CARMIL1: variants seen among roughly 807,000 people sequenced by gnomAD.
CARMIL1 encodes the protein capping protein regulator and myosin 1 linker 1, also known as F-actin-uncapping protein LRRC16A.
In CARMIL1, 90 loss-of-function variants were observed where a neutral mutation model predicts 177.1. The observed-to-expected ratio is 0.51, with a 90% CI of 0.43 to 0.61. The LOEUF (loss-of-function observed/expected upper bound fraction) is 0.61, where lower values mean the gene tolerates loss of function less well. Among genes scored for constraint, CARMIL1 ranks in the 20% least tolerant of loss-of-function variants. The probability of loss-of-function intolerance (pLI) is 0.00; values close to 1 mark genes in which losing one functional copy is unlikely to be tolerated. For synonymous variants in CARMIL1, 577 were observed against 606.2 expected (o/e 0.95, Z 0.71); for missense variants, 1,380 against 1,667.0 (o/e 0.83, Z 3.00).
chr6:25,322,564 G>A (rs1365948752), intron 2 of CARMIL1, among the ~76,000 whole-genome samples: 2 of 152,200 alleles, frequency 1.3e-5, no homozygotes, highest in African/African-American at 4.8e-5. Flanking sequence ...GTGGCTGTCA[G>A]TGAATGCTGC....
At chr6:25,471,784 C>A (rs1390871888) in intron 10 of CARMIL1, among the ~76,000 whole-genome samples, 1 of 152,056 alleles carries the variant, frequency 6.6e-6, no homozygotes, top group Non-Finnish European at 1.5e-5. Flanking sequence ...TTTTTTCTCC[C>A]TTTTCAGGTT....
rs557294677 is a variant in CARMIL1 at position 25,507,093 on chromosome 6, A to C, written c.1396-2563A>C. The stretch of plus-strand genomic sequence containing the variant: ...TTCTCTTTGATCTTGCTTTCTTGTA[A>C]ATAATGCTGGTGTGTGGGATCCAAA... On this transcript the variant is annotated intron_variant, in intron 17 of 36. Transcript: ENST00000329474. 2.0e-5 allele frequency among the ~76,000 whole-genome samples: 3 copies of C among 152,300 alleles called. No individual in the cohort carries two copies. In the East Asian group the frequency reaches 5.8e-4, roughly 29 times the overall value.
At chr6:25,416,901 A>G (rs1017451068) in intron 2 of CARMIL1, among the ~76,000 whole-genome samples, 1 of 152,072 alleles carries the variant, frequency 6.6e-6, no homozygotes, top group African/African-American at 2.4e-5. Context: ...GGTTTTGTGG[A>G]CCTAAGCTTT....
At chr6:25,308,418 G>A (rs1185826383) in intron 2 of CARMIL1, among the ~76,000 whole-genome samples, 6 of 96,874 alleles carry the variant, frequency 6.2e-5, no homozygotes, top group Admixed American at 1.5e-4. Flanking sequence ...GTCTCCCTTT[G>A]TCACCCAGAC....
chr6:25,337,546 G>A (rs762450588), intron 2 of CARMIL1, among the ~76,000 whole-genome samples: 21 of 152,136 alleles, frequency 1.4e-4, no homozygotes, highest in Non-Finnish European at 2.5e-4. Context: ...CAACATCCTC[G>A]AACAGATCCG....
At chr6:25,556,134 A>G (rs371520899) in intron 28 of CARMIL1, among the ~76,000 whole-genome samples, 3 of 152,208 alleles carry the variant, frequency 2.0e-5, no homozygotes, top group Admixed American at 6.5e-5. Flanking sequence ...TCATTGTTTC[A>G]GAAGAATTAA....
intron 2 of CARMIL1, among the ~76,000 whole-genome samples, chr6:25,395,507 G>C (rs1243517376): frequency 1.3e-5 from 2 of 152,194 alleles, no homozygotes; most frequent in Non-Finnish European, 2.9e-5. Context: ...CTCTGAATAA[G>C]ATTGTTAACT....
In CARMIL1 at chr6:25,472,277, G is replaced by A. The variant is rs571936465; in HGVS notation, c.780-150G>A. Reference sequence around the variant, plus strand: ...GGCTTTACAAATTCTCTAATGAGGTGTTAATGGGTATTAAGAAATATATGC... The same window carrying A: ...GGCTTTACAAATTCTCTAATGAGGTATTAATGGGTATTAAGAAATATATGC... On this transcript the variant is annotated intron_variant, in intron 10 of 36. Coordinates refer to ENST00000329474, the MANE Select transcript of CARMIL1 (RefSeq NM_017640.6). 3.3e-4 allele frequency: 194 copies of A among 582,846 alleles called. No individual in the cohort carries two copies. The African/African-American group carries it at 3.4e-3, about 10-fold the overall frequency. The allele number at this position is 582,846 out of a possible 1,614,324, so 36.1% of individuals were successfully genotyped here.
At chr6:25,598,547 A>T (rs1013080953) in intron 32 of CARMIL1, among the ~76,000 whole-genome samples, 1 of 152,058 alleles carries the variant, frequency 6.6e-6, no homozygotes, top group Non-Finnish European at 1.5e-5. Context: ...GCCATTACTC[A>T]GATTTTTTAT....
At chr6:25,307,919 G>C (rs1203309567) in intron 2 of CARMIL1, among the ~76,000 whole-genome samples, 4 of 152,148 alleles carry the variant, frequency 2.6e-5, no homozygotes, top group African/African-American at 9.7e-5. Context: ...TTTACCTCTT[G>C]GGAGAGAATG....
chr6:25,335,938 T>TCTGCTCTGTTACTGTGTTGGCCATTGTTA (rs758112893), intron 2 of CARMIL1, among the ~76,000 whole-genome samples: 3 of 151,838 alleles, frequency 2.0e-5, no homozygotes, highest in Non-Finnish European at 4.4e-5. Flanking sequence ...GGGATCTCTG[T>TCTGCTCTGTTACTGTGTTGGCCATTGTTA]CTGCTCTGTT....
chr6:25,303,124 C>T (rs62392360), intron 2 of CARMIL1, among the ~76,000 whole-genome samples: 6 of 142,730 alleles, frequency 4.2e-5, no homozygotes, highest in Non-Finnish European at 6.0e-5. Context: ...ATAGGCATCT[C>T]CTTTTTTTTT....
rs1287183381 is a variant in CARMIL1 at position 25,598,338 on chromosome 6, A to G, written c.3120-1976A>G. Among the ~76,000 whole-genome samples, 6 of 152,106 alleles carry G rather than the reference A, an allele frequency of 3.9e-5. No individual in the cohort carries two copies. The South Asian group carries it at 6.2e-4, about 16-fold the overall frequency. On this transcript the variant is annotated intron_variant, in intron 32 of 36. Transcript: ENST00000329474. ...ACTGCAACTTTGACCTTCCAGGCTC[A>G]GGTGATACTCCTACCTCAGACTCTT...
intron 5 of CARMIL1, among the ~76,000 whole-genome samples, chr6:25,444,858 G>T (rs1232520333): frequency 6.6e-6 from 1 of 152,176 alleles, no homozygotes; most frequent in African/African-American, 2.4e-5. Context: ...CTTTATAGTA[G>T]CAGGATTTAT....
rs1458347588 is a variant in CARMIL1, at chr6:25,321,045, CT to C, written c.138+36137del. ...AGACTGTTCTGAACTACTCATCTGC[CT>C]CCCCCAGCCCCCACCCCCACCCCAC... On this transcript the variant is annotated intron_variant, in intron 2 of 36. Transcript: ENST00000329474. 2.6e-5 allele frequency among the ~76,000 whole-genome samples: 4 copies of C among 152,022 alleles called. No homozygotes were observed. The East Asian group carries it at 5.8e-4, about 22-fold the overall frequency.
chr6:25,488,423 ACAAACCTCATTTTGTTTCCTGGAGTG>A, intron 12 of CARMIL1, 33 bp from the exon 13 acceptor site: 3 of 1,259,104 alleles, frequency 2.4e-6, no homozygotes, highest in South Asian at 2.4e-5. Flanking sequence ...TTATAGAAAC[ACAAACCTCATTTTGTTTCCTGGAGTG>A]CAAACTGAGC....
At chr6:25,495,959 G>A (rs1803663331) in intron 16 of CARMIL1, among the ~76,000 whole-genome samples, 1 of 152,134 alleles carries the variant, frequency 6.6e-6, no homozygotes, top group Non-Finnish European at 1.5e-5. Context: ...ATGCTCAAAT[G>A]TATGCATGGA....
chr6:25,434,801 T>C lies in CARMIL1; in HGVS notation c.250-682T>C, dbSNP rs1465243605. On this transcript the variant is annotated intron_variant, in intron 4 of 36. Coordinates refer to ENST00000329474, the MANE Select transcript of CARMIL1 (RefSeq NM_017640.6). ...TCTTGACCTTGTGATCCGCCTGCCT[T>C]GGCCTCCCAAAGTGCTGGGATTACA... is the stretch of plus-strand genomic sequence containing the variant. Among the ~76,000 whole-genome samples the C allele has an allele frequency of 2.6e-5, 4 of 152,250 alleles. No individual in the cohort carries two copies. In the South Asian group the frequency reaches 8.3e-4, roughly 32 times the overall value.
At chr6:25,286,562 A>AT (rs1781537046) in intron 2 of CARMIL1, among the ~76,000 whole-genome samples, 1 of 152,200 alleles carries the variant, frequency 6.6e-6, no homozygotes, top group South Asian at 2.1e-4. Flanking sequence ...TGATTGTGCT[A>AT]TTTTTTGGAA....
Sources: allele counts gnomAD v4.1 joint callset (sites outside exome capture counted in the v4.1 genomes callset), GRCh38; gene constraint gnomAD v4.1.1; transcripts MANE v1.5; gene names NCBI Gene and HGNC (gene_info 2026-07-23, HGNC 2026-07-21).